The following PCNT variants were observed in gnomAD, a reference collection of about 807,000 sequenced individuals.
PCNT encodes pericentrin, also known as kendrin.
PCNT carries 319 observed loss-of-function variants against 380.4 expected under a neutral mutation model. The ratio of observed to expected loss-of-function variants is 0.84; its 90% CI spans 0.77 to 0.92. PCNT has a LOEUF of 0.92. PCNT is among the 40% of genes least tolerant of loss of function. The pLI, the probability that PCNT is intolerant of heterozygous loss-of-function variation, is 0.00. For synonymous variants in PCNT, 1,845 were observed against 1,735.2 expected (o/e 1.06, Z -1.57); for missense variants, 4,400 against 4,255.3 (o/e 1.03, Z -0.95).
At chr21:46,385,152 C>T (rs563937052) in intron 16 of PCNT, among the ~76,000 whole-genome samples, 9 of 152,242 alleles carry the variant, frequency 5.9e-5, no homozygotes, top group Admixed American at 2.6e-4. Flanking sequence ...CCCAGGAATT[C>T]GATACCAGCC....
rs2086348543 is a variant in PCNT, at chr21:46,399,463, C to T, written c.4585-127C>T. The T allele has an allele frequency of 5.8e-6, 4 of 691,682 alleles. No individual in the cohort carries two copies. In the African/African-American group the frequency reaches 8.1e-5, roughly 14 times the overall value. 42.8% of individuals were successfully genotyped at this position (691,682 alleles called of 1,614,324 possible). ...TGTGCAGCCTGTGAGTCTAGGTCTCCCTTTGGGTCTAGGGGAGGGCATAGG... is the reference window on the plus strand; with the variant it reads ...TGTGCAGCCTGTGAGTCTAGGTCTCTCTTTGGGTCTAGGGGAGGGCATAGG... On this transcript the variant is annotated intron_variant, in intron 24 of 46. Transcript: ENST00000359568.
chr21:46,415,323 GCAAA>G (rs1329993520), intron 29 of PCNT, among the ~76,000 whole-genome samples: 3 of 151,768 alleles, frequency 2.0e-5, no homozygotes. Context: ...ATCTCCTGCG[GCAAA>G]CAGTCTTGGG....
chr21:46,393,927 T>C (rs6518290), intron 21 of PCNT, among the ~76,000 whole-genome samples: 19,700 of 152,230 alleles, frequency 0.13, 3,565 homozygotes, highest in African/African-American at 0.41. Flanking sequence ...ACCATGGGCC[T>C]TGCAGTGGCA....
Position 46,430,184 on chromosome 21 carries a change from A to G in PCNT, c.7865A>G (p.Gln2622Arg). The G allele has an allele frequency of 6.2e-7, 1 of 1,614,054 alleles. No homozygotes were observed. The highest frequency in any genetic ancestry group is 1.7e-5 in the Admixed American group (1 of 60,028). The change falls in exon 36 of 47, where the codon CAG becomes CGG. Residue 2622 changes from glutamine (Q) to arginine (R), a missense_variant. Coordinates refer to ENST00000359568, the MANE Select transcript of PCNT (RefSeq NM_006031.6). The part of the protein sequence containing the change: ...DLCESRQKSE[Q>R]LSRSLCEVQQ... The stretch of plus-strand genomic sequence containing the variant: ...TGTGAGAGCAGGCAGAAGAGCGAAC[A>G]GCTGTCCCGGTCCCTCTGCGAGGTG...
chr21:46,440,479 A>G (rs1014856735), intron 42 of PCNT, among the ~76,000 whole-genome samples: 2 of 152,386 alleles, frequency 1.3e-5, no homozygotes, highest in South Asian at 4.1e-4. Context: ...GGCCTGGCCC[A>G]GGGGCTTGCC....
In PCNT at chr21:46,442,713, C is replaced by G. The variant is rs556689779; in HGVS notation, c.9700+140C>G. 5 of 702,932 alleles carry G rather than the reference C, an allele frequency of 7.1e-6. No individual in the cohort carries two copies. The South Asian group carries it at 7.5e-5, about 11-fold the overall frequency. The allele number at this position is 702,932 out of a possible 1,614,324, so 43.5% of individuals were successfully genotyped here. ...AGAAAATCCGTGAATTCCGTCAGAG[C>G]AGTCGTCCAGAGGGAAGGCGCGCCC... On this transcript the variant is annotated intron_variant, in intron 44 of 46. Transcript: ENST00000359568.
intron 3 of PCNT, among the ~76,000 whole-genome samples, chr21:46,335,639 A>T: frequency 2.0e-5 from 3 of 146,918 alleles, no homozygotes; most frequent in African/African-American, 2.5e-5. Flanking sequence ...TTCTAGCTAG[A>T]CTCAGTTCAC....
rs769080650 is a variant in PCNT, at chr21:46,389,389, C to T, written c.3798C>T (p.Ala1266=). 23 of 1,614,022 alleles carry T rather than the reference C, an allele frequency of 1.4e-5. No homozygotes were observed. Among genetic ancestry groups the T allele is most frequent in the Non-Finnish European group, 1.7e-5 (20 of 1,179,996 alleles). The change falls in exon 19 of 47, where the codon GCC becomes GCT. Residue 1266 remains alanine, a synonymous_variant. Coordinates refer to ENST00000359568, the MANE Select transcript of PCNT (RefSeq NM_006031.6). ...GGGTCTTCCAGAGCCTCAGCCTGGC[C>T]GTGGACGGCCTCATGGAGATGGCCC... is the stretch of plus-strand genomic sequence containing the variant. ...IRRVFQSLSL[A]VDGLMEMALD... is the part of the protein sequence containing the mutation.
At chr21:46,328,271 C>CTT (rs60896945) in intron 2 of PCNT, among the ~76,000 whole-genome samples, 1 of 145,662 alleles carries the variant, frequency 6.9e-6, no homozygotes, top group Non-Finnish European at 1.5e-5. Flanking sequence ...TTTTTTTTCC[C>CTT]GTTTTCTTTT....
chr21:46,324,347 C>T (rs2146186757), intron 1 of PCNT, 65 bp downstream of exon 1: 2 of 1,318,334 alleles, frequency 1.5e-6, no homozygotes, highest in Non-Finnish European at 2.1e-6. Context: ...CTCCGGTGCC[C>T]GCCACCGCCC....
intron 15 of PCNT, among the ~76,000 whole-genome samples, chr21:46,377,996 C>CT (rs2085386398): frequency 6.6e-6 from 1 of 152,174 alleles, no homozygotes; most frequent in Admixed American, 6.5e-5. Context: ...GCGGCTTTCA[C>CT]TTTGTGTGTT....
intron 37 of PCNT, 28 bp downstream of exon 37, chr21:46,430,685 G>A (rs1277581393): frequency 7.1e-6 from 11 of 1,559,220 alleles, no homozygotes; most frequent in Admixed American, 1.9e-5. Context: ...CAAGGCAGCC[G>A]GCATGGGCTG....
rs2084104002 is a variant in PCNT at position 46,347,267 on chromosome 21, CCT to C, written c.977-189_977-188del. The stretch of plus-strand genomic sequence containing the variant: ...ACCTTCACCTCCTCTCTTAGATCGT[CCT>C]GTGTGTCTGGAAGTCACGGTGTCCT... On this transcript the variant is annotated intron_variant, in intron 5 of 46. Coordinates refer to ENST00000359568, the MANE Select transcript of PCNT (RefSeq NM_006031.6). Among the ~76,000 whole-genome samples the C allele has an allele frequency of 2.0e-5, 3 of 152,270 alleles. No individual in the cohort carries two copies. In the South Asian group the frequency reaches 6.2e-4, roughly 32 times the overall value.
intron 38 of PCNT, among the ~76,000 whole-genome samples, chr21:46,434,601 G>C (rs1410619655): frequency 6.6e-6 from 1 of 152,222 alleles, no homozygotes; most frequent in Non-Finnish European, 1.5e-5. Context: ...CCCCTGCCTG[G>C]TGGGAGTCGG....
Position 46,356,961 on chromosome 21 carries a change from C to T in PCNT, c.1937-13C>T. ...ACCGGCCTGACTGTCTTCCCTGCTC[C>T]TTTTCCACACAGAGCTTCCCTGGGT... On this transcript the variant is annotated splice_polypyrimidine_tract_variant and intron_variant, in intron 12 of 46. Coordinates refer to ENST00000359568, the MANE Select transcript of PCNT (RefSeq NM_006031.6). 1 of 1,612,986 alleles carries T rather than the reference C, an allele frequency of 6.2e-7. No individual in the cohort carries two copies. Among genetic ancestry groups the T allele is most frequent in the African/African-American group, 1.3e-5 (1 of 75,040 alleles).
chr21:46,429,922 G>GC, intron 35 of PCNT, 88 bp from the exon 36 acceptor site: 1 of 1,010,358 alleles, frequency 9.9e-7, no homozygotes, highest in Non-Finnish European at 1.5e-6. Context: ...TACACCTCAC[G>GC]CCCCCACGAG....
chr21:46,351,485 C>T lies in PCNT; in HGVS notation c.1401C>T (p.Ile467=). Residue 467 remains isoleucine (I), a synonymous_variant, in exon 9 of 47, where the codon ATC becomes ATT. Transcript: ENST00000359568. ...EDLKAQSQEE[I]RRLWSQLDSA... is the part of the protein sequence containing the mutation. Reference sequence around the variant, plus strand: ...TGAAGGCACAATCACAAGAAGAGATCAGGCGCTTGTGGTCCCAGCTTGATT... The same window carrying T: ...TGAAGGCACAATCACAAGAAGAGATTAGGCGCTTGTGGTCCCAGCTTGATT... 3 of 1,613,414 alleles carry T rather than the reference C, an allele frequency of 1.9e-6. No homozygotes were observed. Among genetic ancestry groups the T allele is most frequent in the Non-Finnish European group, 2.5e-6 (3 of 1,179,368 alleles).
At chr21:46,403,740 T>C (rs550254697) in intron 27 of PCNT, among the ~76,000 whole-genome samples, 22 of 143,466 alleles carry the variant, frequency 1.5e-4, no homozygotes, top group Non-Finnish European at 2.7e-4. Context: ...ATAGTGTGTG[T>C]TTGGTGCCCA....
chr21:46,366,793 C>T lies in PCNT; in HGVS notation c.2819C>T (p.Ala940Val). ...GCCTCCTTAGAGAGCAAGCAGGGGG[C>T]TCTGCTGGCTGCACGTGTGGCCGAA... ...LTASLESKQG[A>V]LLAARVAELQ... The change falls in exon 15 of 47, where the codon GCT (alanine) becomes GTT (valine). Residue 940 changes from alanine (A) to valine (V), a missense_variant. Transcript: ENST00000359568. 6.2e-7 allele frequency: 1 copy of T among 1,613,772 alleles called. No individual in the cohort carries two copies. Among genetic ancestry groups the T allele is most frequent in the Non-Finnish European group, 8.5e-7 (1 of 1,180,036 alleles).
Sources: allele counts gnomAD v4.1 joint callset (sites outside exome capture counted in the v4.1 genomes callset), GRCh38; gene constraint gnomAD v4.1.1; transcripts MANE v1.5; gene names NCBI Gene and HGNC (gene_info 2026-07-23, HGNC 2026-07-21).